Variants in TP53I3 observed in about 807,000 individuals in gnomAD.
TP53I3 encodes tumor protein p53 inducible protein 3, also known as quinone oxidoreductase PIG3.
A neutral mutation model predicts 27.7 loss-of-function variants in TP53I3; 32 were observed. The observed-to-expected ratio is 1.16, with a 90% CI of 0.87 to 1.55. The LOEUF (loss-of-function observed/expected upper bound fraction) is 1.55. Ranked by LOEUF, TP53I3 falls within the 40% of genes most tolerant of loss-of-function variation. The probability of loss-of-function intolerance (pLI) is 0.00; values close to 1 mark genes in which losing one functional copy is unlikely to be tolerated. For missense variants in TP53I3, 372 were observed against 412.3 expected, an observed-to-expected ratio of 0.90 and a Z score of 0.85; for synonymous variants, 138 against 167.8, an observed-to-expected ratio of 0.82 and a Z score of 1.37.
Position 24,083,217 on chromosome 2 carries a change from C to A in TP53I3, c.139-65G>T, listed in dbSNP as rs569018035. 2,419 of 1,481,732 alleles carry A rather than the reference C, an allele frequency of 1.6e-3. 9 individuals carry two copies. The highest frequency in any genetic ancestry group is 1.4e-3 in the Non-Finnish European group (1,581 of 1,113,946). The allele number at this position is 1,481,732 out of a possible 1,614,324, so 91.8% of individuals were successfully genotyped here. ...GAAATCTGTATGTCACTACCCCTGG[C>A]CCCCCTTCCAAGATCCCCTCTTTTT... On this transcript the variant is annotated intron_variant, in intron 1 of 4. Transcript: ENST00000238721.
rs895779826 is a variant in TP53I3, at chr2:24,080,366, AG to A, written c.619+452del. Among the ~76,000 whole-genome samples, 3 of 151,796 alleles carry A rather than the reference AG, an allele frequency of 2.0e-5. No homozygotes were observed. Among genetic ancestry groups the A allele is most frequent in the Admixed American group, 2.0e-4 (3 of 15,254 alleles). ...TGAGACTCCATCTCAAAAAAAAAAA[AG>A]AAAGAGAAACGGAAAGGGATGAGCC... On this transcript the variant is annotated intron_variant, in intron 3 of 4. Coordinates refer to ENST00000238721, the MANE Select transcript of TP53I3 (RefSeq NM_004881.5). The surrounding 1 kb of genome is among the most constrained non-coding windows in gnomAD (Gnocchi z 4.7).
In TP53I3 at chr2:24,077,475, T is replaced by C; in HGVS notation, c.*104A>G. The C allele has an allele frequency of 7.4e-7, 1 of 1,349,798 alleles. No individual in the cohort carries two copies. The highest frequency in any genetic ancestry group is 9.9e-7 in the Non-Finnish European group (1 of 1,007,918). 83.6% of individuals were successfully genotyped at this position (1,349,798 alleles called of 1,614,324 possible). A position where few individuals can be genotyped will look rare whatever the true frequency, so the allele number is the denominator to read the frequency against. ...TTTCCTCATATCAGCTTTAAACGGCTCTGGAGGAAGCACCGGGTTTCTTGG... is the reference window on the plus strand; with the variant it reads ...TTTCCTCATATCAGCTTTAAACGGCCCTGGAGGAAGCACCGGGTTTCTTGG... On this transcript the variant is annotated 3_prime_UTR_variant, in exon 5 of 5. Transcript: ENST00000238721. This position sits in a 1 kb window ranked among gnomAD's most constrained non-coding sequence, Gnocchi z 5.5.
chr2:24,077,731 C>G lies in TP53I3; in HGVS notation c.847G>C (p.Glu283Gln), dbSNP rs751404653. The G allele has an allele frequency of 3.1e-6, 5 of 1,613,818 alleles. No individual in the cohort carries two copies. Among genetic ancestry groups the G allele is most frequent in the Non-Finnish European group, 1.7e-6 (2 of 1,179,896 alleles). Residue 283 changes from glutamate to glutamine, a missense_variant, in exon 5 of 5, where the codon GAG (glutamate) becomes CAG (glutamine). Physicochemically the swap from Glu to Gln is conservative, Grantham distance 29. Coordinates refer to ENST00000238721, the MANE Select transcript of TP53I3 (RefSeq NM_004881.5). This position sits in a 1 kb window ranked among gnomAD's most constrained non-coding sequence, Gnocchi z 5.5. ...GTGGAGAAGTGAGGCAGAATTTGCT[C>G]CGTGAAAGCATTCACCAGCATTTGC... The part of the protein sequence containing the change: ...YKQMLVNAFT[E>Q]QILPHFSTEG...
Position 24,077,482 on chromosome 2 carries a change from GA to G in TP53I3, c.*96del, listed in dbSNP as rs1664800082. 3.6e-6 allele frequency: 5 copies of G among 1,379,792 alleles called. No homozygotes were observed. In the East Asian group the frequency reaches 1.2e-4, roughly 34 times the overall value. The allele number at this position is 1,379,792 out of a possible 1,614,324, so 85.5% of individuals were successfully genotyped here. On this transcript the variant is annotated 3_prime_UTR_variant, in exon 5 of 5. Coordinates refer to ENST00000238721, the MANE Select transcript of TP53I3 (RefSeq NM_004881.5). The surrounding 1 kb of genome is among the most constrained non-coding windows in gnomAD (Gnocchi z 5.5). The stretch of plus-strand genomic sequence containing the variant: ...ATATCAGCTTTAAACGGCTCTGGAG[GA>G]AGCACCGGGTTTCTTGGCCTGTCTA...
At chr2:24,079,318 A>C (rs777016193) in intron 4 of TP53I3, 126 bp downstream of exon 4, 17 of 989,882 alleles carry the variant, frequency 1.7e-5, no homozygotes, top group Admixed American at 2.7e-5. Flanking sequence ...TTATCTTCAG[A>C]GGGGGAGGTT....
At chr2:24,082,462 T>C (rs1265456146) in intron 2 of TP53I3, among the ~76,000 whole-genome samples, 1 of 152,258 alleles carries the variant, frequency 6.6e-6, no homozygotes, top group South Asian at 2.1e-4. Flanking sequence ...CTTATGCATA[T>C]GTTGCCTTCT....
intron 1 of TP53I3, among the ~76,000 whole-genome samples, chr2:24,083,919 C>T (rs539760650): frequency 1.3e-5 from 2 of 152,264 alleles, no homozygotes; most frequent in South Asian, 4.1e-4. Context: ...AGTAAGTGTG[C>T]CCACACCCCA....
Position 24,077,604 on chromosome 2 carries a change from T to C in TP53I3, c.974A>G (p.Lys325Arg). 1 of 1,606,910 alleles carries C rather than the reference T, an allele frequency of 6.2e-7. No individual in the cohort carries two copies. Among genetic ancestry groups the C allele is most frequent in the Non-Finnish European group, 8.5e-7 (1 of 1,175,654 alleles). ...TCACTGGGGCAGTTCCAGGACGATCTTGCCTATGTTCTTGTTGGCCTCCAT... is the reference window on the plus strand; with the variant it reads ...TCACTGGGGCAGTTCCAGGACGATCCTGCCTATGTTCTTGTTGGCCTCCAT... ...KYMEANKNIG[K>R]IVLELPQ is the part of the protein sequence containing the mutation. The change falls in exon 5 of 5, where the codon AAG becomes AGG. Residue 325 changes from lysine to arginine, a missense_variant. Physicochemically the swap from Lys to Arg is conservative, Grantham distance 26 (BLOSUM62 2). Transcript: ENST00000238721. The surrounding 1 kb of genome is among the most constrained non-coding windows in gnomAD (Gnocchi z 5.5).
rs1665181186 is a variant in TP53I3 at position 24,084,656 on chromosome 2, A to G, written c.-330T>C. On this transcript the variant is annotated 5_prime_UTR_variant, in exon 1 of 5. Transcript: ENST00000238721. The surrounding 1 kb of genome is among the most constrained non-coding windows in gnomAD (Gnocchi z 8.4). ...GAGCAGGACAACGCCGAAGAGGATCAGGCAAATCACACTCCCTCTGAGTTG... is the reference window on the plus strand; with the variant it reads ...GAGCAGGACAACGCCGAAGAGGATCGGGCAAATCACACTCCCTCTGAGTTG... 8.2e-6 allele frequency: 2 copies of G among 245,164 alleles called. No individual in the cohort carries two copies. The highest frequency in any genetic ancestry group is 2.5e-4 in the South Asian group (2 of 8,040). The allele number at this position is 245,164 out of a possible 1,614,324, so 15.2% of individuals were successfully genotyped here.
chr2:24,083,271 T>A, intron 1 of TP53I3, 119 bp from the exon 2 acceptor site: 1 of 1,371,578 alleles, frequency 7.3e-7, no homozygotes, highest in Non-Finnish European at 9.9e-7. Context: ...CAGAATGAAG[T>A]CAGGTTTTTG....
At position 24,080,221 on chromosome 2, in the gene TP53I3, G is replaced by T. The variant is rs925250636; in HGVS notation, c.620-581C>A. Among the ~76,000 whole-genome samples the T allele has an allele frequency of 6.6e-6, 1 of 152,070 alleles. No individual in the cohort carries two copies. Among genetic ancestry groups the T allele is most frequent in the African/African-American group, 2.4e-5 (1 of 41,394 alleles). The stretch of plus-strand genomic sequence containing the variant: ...AAAATACAAAAATTAGCTGGGCGTG[G>T]TGGTGCGCCTGTGATCTCAGCTACT... On this transcript the variant is annotated intron_variant, in intron 3 of 4. Transcript: ENST00000238721. This position sits in a 1 kb window ranked among gnomAD's most constrained non-coding sequence, Gnocchi z 4.7.
chr2:24,083,503 A>G (rs1284890511), intron 1 of TP53I3, among the ~76,000 whole-genome samples: 1 of 152,024 alleles, frequency 6.6e-6, no homozygotes, highest in African/African-American at 2.4e-5. Flanking sequence ...CTCTGTGCTC[A>G]CTCACCCCAG....
chr2:24,084,082 G>A lies in TP53I3; in HGVS notation c.138+107C>T, dbSNP rs1665139587. 5 of 1,439,606 alleles carry A rather than the reference G, an allele frequency of 3.5e-6. No homozygotes were observed. Among genetic ancestry groups the A allele is most frequent in the Non-Finnish European group, 4.6e-6 (5 of 1,095,614 alleles). 89.2% of individuals were successfully genotyped at this position (1,439,606 alleles called of 1,614,324 possible). ...GGAAGCCCCAGCGCAGCTGCCTGCTGGGTGTGGAGCGGTGCACGCCTTCAC... is the reference window on the plus strand; with the variant it reads ...GGAAGCCCCAGCGCAGCTGCCTGCTAGGTGTGGAGCGGTGCACGCCTTCAC... On this transcript the variant is annotated intron_variant, in intron 1 of 4. Transcript: ENST00000238721. The surrounding 1 kb of genome is among the most constrained non-coding windows in gnomAD (Gnocchi z 8.4).
intron 4 of TP53I3, among the ~76,000 whole-genome samples, chr2:24,078,278 G>A (rs976376894): frequency 6.6e-6 from 1 of 150,654 alleles, no homozygotes; most frequent in African/African-American, 2.5e-5. Context: ...ATTGTTCTTT[G>A]TCTAAAAATT....
intron 3 of TP53I3, among the ~76,000 whole-genome samples, chr2:24,079,887 G>A (rs544828412): frequency 3.9e-5 from 6 of 152,270 alleles, no homozygotes; most frequent in Admixed American, 1.3e-4. Flanking sequence ...ATGACCTAGC[G>A]TCTCCTGTCA....
In TP53I3 at chr2:24,077,699, G is replaced by A. The variant is rs144936276; in HGVS notation, c.879C>T (p.Gly293=). The change falls in exon 5 of 5, where the codon GGC becomes GGT. Residue 293 remains glycine (G), a synonymous_variant. Coordinates refer to ENST00000238721, the MANE Select transcript of TP53I3 (RefSeq NM_004881.5). The surrounding 1 kb of genome is among the most constrained non-coding windows in gnomAD (Gnocchi z 5.5). ...CCAGAACCGGCAGCAGACGTTGGGG[G>A]CCCTCCGTGGAGAAGTGAGGCAGAA... The part of the protein sequence containing the change: ...EQILPHFSTE[G]PQRLLPVLDR... The A allele has an allele frequency of 2.4e-5, 39 of 1,614,080 alleles. No homozygotes were observed. The African/African-American group carries it at 4.9e-4, about 20-fold the overall frequency.
Position 24,080,117 on chromosome 2 carries a change from G to A in TP53I3, c.620-477C>T, listed in dbSNP as rs1392485856. Among the ~76,000 whole-genome samples, 1 of 152,170 alleles carries A rather than the reference G, an allele frequency of 6.6e-6. No individual in the cohort carries two copies. The highest frequency in any genetic ancestry group is 1.5e-5 in the Non-Finnish European group (1 of 68,028). Reference sequence around the variant, plus strand: ...CATGCCTGTAATCCCAGTACTTTGGGAGGCTGAGGCAGGTGGATCACCTGA... The same window carrying A: ...CATGCCTGTAATCCCAGTACTTTGGAAGGCTGAGGCAGGTGGATCACCTGA... On this transcript the variant is annotated intron_variant, in intron 3 of 4. Coordinates refer to ENST00000238721, the MANE Select transcript of TP53I3 (RefSeq NM_004881.5). The surrounding 1 kb of genome is among the most constrained non-coding windows in gnomAD (Gnocchi z 4.7).
chr2:24,078,480 T>TAAAAAAAAAAAAAAAAAAAAAAA (rs36089798), intron 4 of TP53I3, among the ~76,000 whole-genome samples: 1 of 104,954 alleles, frequency 9.5e-6, no homozygotes. Context: ...CCTGTCTCCA[T>TAAAAAAAAAAAAAAAAAAAAAAA]AAAAAAAAAA....
In TP53I3 at chr2:24,084,347, AGGG is replaced by A; in HGVS notation, c.-24_-22del. The A allele has an allele frequency of 1.4e-6, 2 of 1,409,126 alleles. No individual in the cohort carries two copies. The highest frequency in any genetic ancestry group is 1.9e-6 in the Non-Finnish European group (2 of 1,035,832). The allele number at this position is 1,409,126 out of a possible 1,614,324, so 87.3% of individuals were successfully genotyped here. A position where few individuals can be genotyped will look rare whatever the true frequency, so the allele number is the denominator to read the frequency against. ...AACATATTGTCTGAGGACACAGGGC[AGGG>A]CAGGGCAGGACAGGACAGGGCAGGG... On this transcript the variant is annotated 5_prime_UTR_variant, in exon 1 of 5. Transcript: ENST00000238721. The surrounding 1 kb of genome is among the most constrained non-coding windows in gnomAD (Gnocchi z 8.4).
Sources: gnomAD v4.1 joint callset for allele counts (sites outside exome capture counted in the v4.1 genomes callset) on GRCh38, gnomAD v4.1.1 for gene constraint, Gnocchi (gnomAD v3.1) non-coding constraint, MANE v1.5 for transcripts, NCBI Gene and HGNC (gene_info 2026-07-23, HGNC 2026-07-21) for gene names.